OGG1: variants seen among roughly 807,000 people sequenced by gnomAD.
OGG1 encodes the protein 8-oxoguanine DNA glycosylase.
In OGG1, 35 loss-of-function variants were observed where a neutral mutation model predicts 42.3. The ratio of observed to expected loss-of-function variants is 0.83; its 90% CI spans 0.63 to 1.10. The LOEUF is 1.10. Among genes scored for constraint, OGG1 ranks in the 50% least tolerant of loss-of-function variants. OGG1 has a pLI of 0.00. For synonymous variants in OGG1, 189 were observed against 179.0 expected (o/e 1.06, Z -0.44); for missense variants, 484 against 446.7 (o/e 1.08, Z -0.75).
chr3:9,764,628 G>GTTTTTTTTTTTTTTT (rs55972033), intron 7 of OGG1, among the ~76,000 whole-genome samples: 2 of 92,334 alleles, frequency 2.2e-5, no homozygotes, highest in Non-Finnish European at 4.1e-5. Flanking sequence ...TTTTTTTTTT[G>GTTTTTTTTTTTTTTT]TTTTTTTTTT....
chr3:9,787,950 T>G, exon 4 of OGG1: 1 of 349,754 alleles, frequency 2.9e-6, no homozygotes, highest in Non-Finnish European at 5.6e-6. Flanking sequence ...GAGGCTGTGG[T>G]GTCCTGGAAT....
chr3:9,751,291 C>G (rs986428446), intron 2 of OGG1, 99 bp downstream of exon 2: 1 of 1,257,774 alleles, frequency 8.0e-7, no homozygotes, highest in African/African-American at 1.5e-5. Flanking sequence ...ATATCTACTT[C>G]ATAGGCTTTT....
At chr3:9,756,988 A>T in intron 6 of OGG1, 73 bp from the exon 7 acceptor site, 2 of 1,612,682 alleles carry the variant, frequency 1.2e-6, no homozygotes, top group Non-Finnish European at 1.7e-6. Context: ...TCCACCTCCC[A>T]ACACTGTCAC....
chr3:9,763,543 T>C (rs1419306925), intron 7 of OGG1, among the ~76,000 whole-genome samples: 2 of 152,274 alleles, frequency 1.3e-5, no homozygotes, highest in South Asian at 2.1e-4. Flanking sequence ...CCATGGTTTA[T>C]TACCATTTTT....
chr3:9,753,656 CAAA>C (rs34371840), intron 3 of OGG1, among the ~76,000 whole-genome samples: 2 of 145,180 alleles, frequency 1.4e-5, no homozygotes, highest in Non-Finnish European at 3.0e-5. Flanking sequence ...TCTGTCTCAA[CAAA>C]AAAAAAAAGA....
intron 3 of OGG1, 54 bp downstream of exon 3, chr3:9,752,003 T>G (rs2077326020): frequency 1.4e-5 from 21 of 1,548,608 alleles, no homozygotes; most frequent in Non-Finnish European, 9.8e-6. Context: ...CAAGATCTGT[T>G]CATTTCTCCC....
intron 1 of OGG1, chr3:9,750,712 C>T: frequency 4.3e-6 from 3 of 690,340 alleles, no homozygotes; most frequent in Non-Finnish European, 7.4e-6. Flanking sequence ...CCCATTCCAG[C>T]CTCGACCCCC....
At chr3:9,750,589 C>G in intron 1 of OGG1, 166 bp downstream of exon 1, 2 of 901,744 alleles carry the variant, frequency 2.2e-6, no homozygotes, top group Non-Finnish European at 3.5e-6. Flanking sequence ...TATGTCTGTA[C>G]AGTGATAATT....
chr3:9,758,088 T>A (rs1575216122), downstream of OGG1: 1 of 502,124 alleles, frequency 2.0e-6, no homozygotes, highest in East Asian at 3.7e-5. Context: ...TAACTATAAT[T>A]CATATTAATA....
chr3:9,785,270 C>G, intron 3 of OGG1: 1 of 1,499,266 alleles, frequency 6.7e-7, no homozygotes, highest in East Asian at 2.3e-5. Context: ...GAGAAGCCAA[C>G]AGAAGCGGGG....
At chr3:9,785,176 T>G (rs2078578000) in intron 3 of OGG1, 1 of 608,308 alleles carries the variant, frequency 1.6e-6, no homozygotes, top group African/African-American at 1.8e-5. Flanking sequence ...CGCTGGGTCA[T>G]CACTCACACT....
chr3:9,774,381 C>T (rs544859162), intron 2 of OGG1, among the ~76,000 whole-genome samples: 3 of 142,660 alleles, frequency 2.1e-5, no homozygotes, highest in Non-Finnish European at 4.5e-5. Flanking sequence ...TGCACTCCAG[C>T]CAGAATGACA....
chr3:9,750,290 C>A lies in OGG1; in HGVS notation c.4C>A (p.Pro2Thr). M[P>T]ARALLPRRMG... ...CGGGGCGGTGCCTGCTGTGGAAATG[C>A]CTGCCCGCGCGCTTCTGCCCAGGCG... Residue 2 changes from proline to threonine, a missense_variant, in exon 1 of 7, where the codon CCT becomes ACT. Transcript: ENST00000344629. The A allele has an allele frequency of 1.2e-6, 2 of 1,610,032 alleles. No individual in the cohort carries two copies. The highest frequency in any genetic ancestry group is 4.5e-5 in the East Asian group (2 of 44,822).
At chr3:9,757,525 C>T (rs757388506), downstream of OGG1, 13 of 1,609,352 alleles carry the variant, frequency 8.1e-6, no homozygotes, top group Admixed American at 1.0e-4. The surrounding 1 kb of genome is among the most constrained non-coding windows in gnomAD (Gnocchi z 4.5). Flanking sequence ...GATCATGACC[C>T]GAGGTCCAGG....
At chr3:9,757,433 G>C (rs1293206627), downstream of OGG1, 2 of 1,607,680 alleles carry the variant, frequency 1.2e-6, no homozygotes, top group South Asian at 2.2e-5. The surrounding 1 kb of genome is among the most constrained non-coding windows in gnomAD (Gnocchi z 4.5). Context: ...TAGGGAAGCA[G>C]GTGAGGAGGG....
At chr3:9,773,126 C>G (rs763342670) in intron 2 of OGG1, among the ~76,000 whole-genome samples, 8 of 151,342 alleles carry the variant, frequency 5.3e-5, no homozygotes, top group African/African-American at 9.7e-5. Context: ...CCACTTGGGA[C>G]GCTGAGGCAG....
chr3:9,780,902 C>T (rs1243984213), intron 2 of OGG1, among the ~76,000 whole-genome samples: 1 of 152,080 alleles, frequency 6.6e-6, no homozygotes, highest in African/African-American at 2.4e-5. Context: ...ACTTTGGGAG[C>T]CCAAGGCAGA....
chr3:9,755,455 A>G (rs1277839366), intron 4 of OGG1, among the ~76,000 whole-genome samples: 2 of 148,964 alleles, frequency 1.3e-5, no homozygotes, highest in African/African-American at 5.0e-5. Context: ...ACTGGAAATT[A>G]GGCATTTGTC....
At chr3:9,775,110 C>A (rs2078348603) in intron 2 of OGG1, among the ~76,000 whole-genome samples, 1 of 151,946 alleles carries the variant, frequency 6.6e-6, no homozygotes, top group Admixed American at 6.6e-5. Flanking sequence ...CGTGGTGGCA[C>A]ACGCCTGTAA....
Sources: gnomAD v4.1 joint callset for allele counts (sites outside exome capture counted in the v4.1 genomes callset) on GRCh38, gnomAD v4.1.1 for gene constraint, Gnocchi (gnomAD v3.1) non-coding constraint, MANE v1.5 for transcripts, NCBI Gene and HGNC (gene_info 2026-07-23, HGNC 2026-07-21) for gene names.